Variants in ADGRB3 observed in about 807,000 individuals in gnomAD.
ADGRB3 encodes adhesion G protein-coupled receptor B3.
ADGRB3 carries 37 observed loss-of-function variants against 193.4 expected under a neutral mutation model. The observed-to-expected ratio is 0.19, with a 90% CI of 0.15 to 0.25. The LOEUF (loss-of-function observed/expected upper bound fraction) is 0.25, where lower values mean the gene tolerates loss of function less well. Ranked by LOEUF, ADGRB3 falls within the 10% of genes least tolerant of loss-of-function variation. ADGRB3 has a pLI of 1.00. For synonymous variants in ADGRB3, 690 were observed against 644.2 expected, an observed-to-expected ratio of 1.07 and a Z score of -1.08; for missense variants, 1,637 against 1,852.9, an observed-to-expected ratio of 0.88 and a Z score of 2.14.
chr6:69,200,374 T>C (rs575311925), intron 17 of ADGRB3, among the ~76,000 whole-genome samples: 61 of 152,204 alleles, frequency 4.0e-4, no homozygotes, highest in African/African-American at 1.4e-3. Flanking sequence ...AGGCTAAATT[T>C]ATAATATTAA....
chr6:69,169,662 G>A (rs1047160561), intron 17 of ADGRB3, among the ~76,000 whole-genome samples: 2 of 151,802 alleles, frequency 1.3e-5, no homozygotes, highest in African/African-American at 4.8e-5. Flanking sequence ...AATTGAATCT[G>A]TTGAAGATAA....
intron 8 of ADGRB3, among the ~76,000 whole-genome samples, chr6:68,964,343 G>GTGCCC (rs1184955717): frequency 6.6e-6 from 1 of 152,156 alleles, no homozygotes; most frequent in African/African-American, 2.4e-5. Context: ...TGTCCCAGCT[G>GTGCCC]TGCCCAAATA....
intron 3 of ADGRB3, among the ~76,000 whole-genome samples, chr6:68,705,667 C>T (rs1765314500): frequency 6.6e-6 from 1 of 152,162 alleles, no homozygotes; most frequent in Non-Finnish European, 1.5e-5. Flanking sequence ...GTGGACTAAT[C>T]TGAGATACGG....
chr6:69,196,480 T>C (rs1163239139), intron 17 of ADGRB3, among the ~76,000 whole-genome samples: 2 of 152,134 alleles, frequency 1.3e-5, no homozygotes, highest in African/African-American at 4.8e-5. Context: ...TCTCTTTTGC[T>C]ATCAGATGGC....
At chr6:69,243,255 A>G (rs1036504892) in intron 20 of ADGRB3, among the ~76,000 whole-genome samples, 1 of 151,992 alleles carries the variant, frequency 6.6e-6, no homozygotes, top group Non-Finnish European at 1.5e-5. Context: ...TCACACATTT[A>G]GATATTTATT....
At chr6:69,104,807 C>T (rs2150323144) in intron 17 of ADGRB3, among the ~76,000 whole-genome samples, 1 of 151,986 alleles carries the variant, frequency 6.6e-6, no homozygotes, top group East Asian at 1.9e-4. Flanking sequence ...TATATTTAAA[C>T]AATTAATTTG....
chr6:69,028,333 T>A (rs1770499495), intron 13 of ADGRB3, among the ~76,000 whole-genome samples: 1 of 152,310 alleles, frequency 6.6e-6, no homozygotes, highest in East Asian at 1.9e-4. Flanking sequence ...TGTTTTCGGT[T>A]TTTTTGTTTG....
chr6:68,749,323 G>T (rs535894009), intron 3 of ADGRB3, among the ~76,000 whole-genome samples: 1 of 151,544 alleles, frequency 6.6e-6, no homozygotes, highest in South Asian at 2.1e-4. Context: ...AGCTCTCCTT[G>T]CTCCTCAGCT....
intron 3 of ADGRB3, among the ~76,000 whole-genome samples, chr6:68,793,146 T>C (rs1313709008): frequency 6.6e-6 from 1 of 152,168 alleles, no homozygotes; most frequent in East Asian, 1.9e-4. Flanking sequence ...TAATTGTAAC[T>C]AAGTAGACTG....
Position 68,687,735 on chromosome 6 carries a change from T to C in ADGRB3, c.757+48303T>C, listed in dbSNP as rs111743549. Among the ~76,000 whole-genome samples, 703 of 152,140 alleles carry C rather than the reference T, an allele frequency of 4.6e-3. 4 individuals are homozygous for C. Among genetic ancestry groups the C allele is most frequent in the Middle Eastern group, 0.017 (5 of 294 alleles). ...ACCTTTCAGAGGAAAAAAACAGAAA[T>C]GTAACTCACACAGATAAATGTACAA... is the stretch of plus-strand genomic sequence containing the variant. On this transcript the variant is annotated intron_variant, in intron 3 of 31. Transcript: ENST00000370598.
At chr6:69,176,236 T>C (rs1775418634) in intron 17 of ADGRB3, among the ~76,000 whole-genome samples, 1 of 152,230 alleles carries the variant, frequency 6.6e-6, no homozygotes, top group Admixed American at 6.5e-5. Context: ...AGGATGCTTC[T>C]ACATTCTGCA....
At chr6:69,308,864 A>G (rs1449321447) in intron 20 of ADGRB3, among the ~76,000 whole-genome samples, 1 of 151,700 alleles carries the variant, frequency 6.6e-6, no homozygotes, top group Non-Finnish European at 1.5e-5. Context: ...AAAGAATATT[A>G]TCCAAAGTTT....
intron 3 of ADGRB3, among the ~76,000 whole-genome samples, chr6:68,665,580 A>G (rs1387560983): frequency 6.6e-6 from 1 of 151,818 alleles, no homozygotes; most frequent in Non-Finnish European, 1.5e-5. Context: ...AACATATGCA[A>G]AGTGTTTAGA....
At chr6:69,342,416 A>G (rs1361822027) in intron 26 of ADGRB3, among the ~76,000 whole-genome samples, 1 of 152,168 alleles carries the variant, frequency 6.6e-6, no homozygotes, top group African/African-American at 2.4e-5. Flanking sequence ...GATTTCAGGT[A>G]TAGGGCAAGT....
intron 3 of ADGRB3, among the ~76,000 whole-genome samples, chr6:68,648,653 T>A (rs1349809570): frequency 1.3e-5 from 2 of 150,464 alleles, no homozygotes; most frequent in African/African-American, 4.9e-5. Context: ...TTAACAACAG[T>A]TATGTTAAGG....
chr6:69,126,459 A>G (rs974170965), intron 17 of ADGRB3, among the ~76,000 whole-genome samples: 5 of 152,224 alleles, frequency 3.3e-5, no homozygotes, highest in Admixed American at 6.5e-5. Context: ...CCAAAGGTCT[A>G]TGAACCTGGC....
In ADGRB3 at chr6:68,835,878, A is replaced by T. The variant is rs555465746; in HGVS notation, c.758-94681A>T. ...GTGGATTATTTATTTTCCCGGTCCC[A>T]GCAATTTTTTGAAGAACAATGTTGG... On this transcript the variant is annotated intron_variant, in intron 3 of 31. Coordinates refer to ENST00000370598, the MANE Select transcript of ADGRB3 (RefSeq NM_001704.3). Among the ~76,000 whole-genome samples, 33 of 152,202 alleles carry T rather than the reference A, an allele frequency of 2.2e-4. 1 individual carries two copies. The East Asian group carries it at 6.2e-3, about 29-fold the overall frequency.
chr6:69,186,963 G>A (rs935047616), intron 17 of ADGRB3, among the ~76,000 whole-genome samples: 17 of 144,986 alleles, frequency 1.2e-4, no homozygotes, highest in African/African-American at 3.1e-4. Context: ...TTTTGACAAC[G>A]CATGCAGCTG....
chr6:68,854,484 T>C (rs1459570629), intron 3 of ADGRB3, among the ~76,000 whole-genome samples: 14 of 152,204 alleles, frequency 9.2e-5, no homozygotes, highest in Admixed American at 9.2e-4. Flanking sequence ...AAATATCATG[T>C]AATACACAAT....
Sources: allele counts gnomAD v4.1 joint callset (sites outside exome capture counted in the v4.1 genomes callset), GRCh38; gene constraint gnomAD v4.1.1; transcripts MANE v1.5; gene names NCBI Gene and HGNC (gene_info 2026-07-23, HGNC 2026-07-21).